GPT2: variants seen among roughly 807,000 people sequenced by gnomAD.
GPT2 encodes alanine aminotransferase 2.
Under a neutral mutation model 56.9 loss-of-function variants are expected in GPT2, and 30 were observed. That is an observed-to-expected ratio of 0.53 (90% CI 0.39 to 0.72). GPT2 has a LOEUF of 0.72. GPT2 is among the 30% of genes least tolerant of loss of function. GPT2 has a pLI of 0.00. For missense variants in GPT2, 542 were observed against 703.4 expected, an observed-to-expected ratio of 0.77 and a Z score of 2.60; for synonymous variants, 271 against 283.1, an observed-to-expected ratio of 0.96 and a Z score of 0.43.
rs1961490471 is a variant in GPT2 at position 46,929,508 on chromosome 16, GGCAGGCGCCGGGAGC to G, written c.*516_*530del. 1 of 161,286 alleles carries G rather than the reference GGCAGGCGCCGGGAGC, an allele frequency of 6.2e-6. No homozygotes were observed. Among genetic ancestry groups the G allele is most frequent in the Non-Finnish European group, 1.4e-5 (1 of 73,030 alleles). The allele number at this position is 161,286 out of a possible 1,614,324, so 10.0% of individuals were successfully genotyped here. ...GAAAGGGTCCGCCCGGTGGCCTGGA[GGCAGGCGCCGGGAGC>G]GCAGTAGCACGTGGACTGGGCAGGA... On this transcript the variant is annotated 3_prime_UTR_variant, in exon 12 of 12. Coordinates refer to ENST00000340124, the MANE Select transcript of GPT2 (RefSeq NM_133443.4).
chr16:46,904,154 T>G (rs1051972026), intron 4 of GPT2, among the ~76,000 whole-genome samples: 3 of 152,136 alleles, frequency 2.0e-5, no homozygotes, highest in African/African-American at 7.2e-5. Context: ...GGCAAGGTGC[T>G]CCGAGAGAAA....
Position 46,918,737 on chromosome 16 carries a change from C to T in GPT2, c.1017C>T (p.Thr339=), listed in dbSNP as rs116500600. 1.8e-4 allele frequency: 294 copies of T among 1,614,134 alleles called. 1 individual carries two copies. In the East Asian group the frequency reaches 5.8e-3, roughly 32 times the overall value. The change falls in exon 8 of 12, where the codon ACC becomes ACT. Residue 339 remains threonine, a synonymous_variant. Coordinates refer to ENST00000340124, the MANE Select transcript of GPT2 (RefSeq NM_133443.4). ...TGGAGCTCGCCTCCTTCCACTCCAC[C>T]TCCAAGGGCTACATGGGCGAGTACG... is the stretch of plus-strand genomic sequence containing the variant. ...SNVELASFHS[T]SKGYMGECGY...
In GPT2 at chr16:46,929,020, G is replaced by C; in HGVS notation, c.*23G>C. On this transcript the variant is annotated 3_prime_UTR_variant, in exon 12 of 12. Coordinates refer to ENST00000340124, the MANE Select transcript of GPT2 (RefSeq NM_133443.4). ...TGAGGACGCCTGAGCCCCAGCGGGA[G>C]ACCTGTCCTTGGCTCTTCCTCCCAA... 6 of 1,593,426 alleles carry C rather than the reference G, an allele frequency of 3.8e-6. No homozygotes were observed. Among genetic ancestry groups the C allele is most frequent in the Non-Finnish European group, 4.3e-6 (5 of 1,161,284 alleles).
intron 2 of GPT2, among the ~76,000 whole-genome samples, chr16:46,890,685 G>T (rs192116033): frequency 3.9e-5 from 6 of 152,254 alleles, no homozygotes; most frequent in African/African-American, 1.4e-4. Flanking sequence ...ACACAGTGTG[G>T]TGGTTTAACA....
chr16:46,899,035 A>ATATTTTT (rs1567335287), intron 3 of GPT2, among the ~76,000 whole-genome samples: 2 of 77,224 alleles, frequency 2.6e-5, no homozygotes, highest in African/African-American at 1.8e-4. Flanking sequence ...ATATATATAT[A>ATATTTTT]TTTTTTTTTT....
chr16:46,920,402 T>C (rs539174396), intron 8 of GPT2, among the ~76,000 whole-genome samples: 17 of 152,316 alleles, frequency 1.1e-4, no homozygotes, highest in Middle Eastern at 3.4e-3. Context: ...AATTGTAAGA[T>C]TGTTGGAGCT....
Position 46,924,374 on chromosome 16 carries a change from T to A in GPT2, c.1213-15T>A, listed in dbSNP as rs373202694. 3.1e-6 allele frequency: 5 copies of A among 1,613,900 alleles called. No individual in the cohort carries two copies. The African/African-American group carries it at 6.7e-5, about 22-fold the overall frequency. ...CAGAGATACTGACTGCTGTGCTGTT[T>A]CCATCTCTCATCAGGAGAAGGAGTC... On this transcript the variant is annotated splice_polypyrimidine_tract_variant and intron_variant, in intron 9 of 11. Coordinates refer to ENST00000340124, the MANE Select transcript of GPT2 (RefSeq NM_133443.4).
intron 3 of GPT2, among the ~76,000 whole-genome samples, chr16:46,900,299 G>GGTTCTGCA (rs907306945): frequency 2.0e-5 from 3 of 152,026 alleles, no homozygotes; most frequent in African/African-American, 7.2e-5. Context: ...GGGAGTAGGG[G>GGTTCTGCA]GTTCTGCAGC....
chr16:46,922,445 C>T (rs1287235617), intron 9 of GPT2, 29 bp downstream of exon 9: 5 of 1,570,896 alleles, frequency 3.2e-6, no homozygotes, highest in Middle Eastern at 1.7e-4. Flanking sequence ...GTCTGCACCC[C>T]TGTGGCCGGG....
rs571512342 is a variant in GPT2, at chr16:46,918,850, G to T, written c.1037+93G>T. 25 of 1,482,168 alleles carry T rather than the reference G, an allele frequency of 1.7e-5. No homozygotes were observed. In the African/African-American group the frequency reaches 2.2e-4, roughly 13 times the overall value. The allele number at this position is 1,482,168 out of a possible 1,614,324, so 91.8% of individuals were successfully genotyped here. ...CCCTGCCCCGTGGTCCACCCACTTG[G>T]ATGGAGAGAAGGCTGCCCTTATCTG... On this transcript the variant is annotated intron_variant, in intron 8 of 11. Transcript: ENST00000340124.
intron 10 of GPT2, 96 bp downstream of exon 10, chr16:46,924,640 C>A: frequency 1.5e-6 from 2 of 1,342,910 alleles, no homozygotes; most frequent in Non-Finnish European, 1.0e-6. Flanking sequence ...GAAGTGCTGG[C>A]CCTGGAGGCT....
chr16:46,913,675 A>G, intron 6 of GPT2, among the ~76,000 whole-genome samples: 1 of 152,282 alleles, frequency 6.6e-6, no homozygotes, highest in Middle Eastern at 3.4e-3. Flanking sequence ...TATTTTTTAT[A>G]TTTTTCCATA....
chr16:46,898,095 G>T (rs889105955), intron 3 of GPT2, among the ~76,000 whole-genome samples: 1 of 152,216 alleles, frequency 6.6e-6, no homozygotes, highest in South Asian at 2.1e-4. Flanking sequence ...GTGTCATGGT[G>T]GGGGCAGGAT....
chr16:46,891,113 T>A (rs1960576374), intron 2 of GPT2, among the ~76,000 whole-genome samples: 1 of 152,174 alleles, frequency 6.6e-6, no homozygotes, highest in South Asian at 2.1e-4. Flanking sequence ...CCTCAGGTGA[T>A]CCACCCGCCA....
At chr16:46,899,012 T>TA (rs1567335208) in intron 3 of GPT2, among the ~76,000 whole-genome samples, 4 of 2,076 alleles carry the variant, frequency 1.9e-3, no homozygotes, top group Admixed American at 0.012. Context: ...TATATATATA[T>TA]ATATATATAT....
chr16:46,917,589 T>G (rs1961194364), intron 7 of GPT2, among the ~76,000 whole-genome samples: 1 of 152,142 alleles, frequency 6.6e-6, no homozygotes, highest in South Asian at 2.1e-4. Context: ...TCCTCTTCAT[T>G]TCTGCATGGT....
chr16:46,907,443 G>A (rs1165627639), intron 5 of GPT2, among the ~76,000 whole-genome samples: 1 of 152,226 alleles, frequency 6.6e-6, no homozygotes, highest in Non-Finnish European at 1.5e-5. Flanking sequence ...AGGAGCAGTG[G>A]GAACTCCGAC....
At chr16:46,885,416 G>C (rs1436400390) in intron 2 of GPT2, 1 of 937,500 alleles carries the variant, frequency 1.1e-6, no homozygotes, top group Non-Finnish European at 1.3e-6. Context: ...GGGGCTCTGC[G>C]GAAAGTTGGT....
chr16:46,896,282 A>G (rs1007368029), intron 2 of GPT2, among the ~76,000 whole-genome samples: 6 of 152,172 alleles, frequency 3.9e-5, no homozygotes, highest in South Asian at 2.1e-4. Flanking sequence ...GTAATTCTCT[A>G]TGTCAAGCTC....
Sources: gnomAD v4.1 joint callset for allele counts (sites outside exome capture counted in the v4.1 genomes callset) on GRCh38, gnomAD v4.1.1 for gene constraint, MANE v1.5 for transcripts, NCBI Gene and HGNC (gene_info 2026-07-23, HGNC 2026-07-21) for gene names.